Variants in ATP8B1 observed in about 807,000 individuals in gnomAD.
ATP8B1 encodes ATPase phospholipid transporting 8B1, also known as phospholipid-transporting ATPase IC.
ATP8B1 carries 80 observed loss-of-function variants against 149.9 expected under a neutral mutation model. That is an observed-to-expected ratio of 0.53 (90% CI 0.45 to 0.64). The LOEUF is 0.64. Among genes scored for constraint, ATP8B1 ranks in the 30% least tolerant of loss-of-function variants. ATP8B1 has a pLI of 0.00. For synonymous variants in ATP8B1, 536 were observed against 562.8 expected, an observed-to-expected ratio of 0.95 and a Z score of 0.67; for missense variants, 1,247 against 1,552.6, an observed-to-expected ratio of 0.80 and a Z score of 3.31.
At chr18:57,796,619 C>T (rs1033071863) in intron 1 of ATP8B1, among the ~76,000 whole-genome samples, 5 of 152,182 alleles carry the variant, frequency 3.3e-5, no homozygotes, top group Non-Finnish European at 5.9e-5. Flanking sequence ...ACAAAACCTA[C>T]CCATCTCCCC....
Position 57,658,505 on chromosome 18 carries a change from G to A in ATP8B1, c.2707+2669C>T, listed in dbSNP as rs745886223. Among the ~76,000 whole-genome samples the A allele has an allele frequency of 5.3e-5, 8 of 152,218 alleles. 1 individual carries two copies. Among genetic ancestry groups the A allele is most frequent in the Non-Finnish European group, 1.0e-4 (7 of 68,034 alleles). Reference sequence around the variant, plus strand: ...GATCCTTGCTAGGGGCAGAAACATGGTGGGTCATGATTCCTTCACTTCTTC... The same window carrying A: ...GATCCTTGCTAGGGGCAGAAACATGATGGGTCATGATTCCTTCACTTCTTC... On this transcript the variant is annotated intron_variant, in intron 22 of 27. Transcript: ENST00000648908.
intron 1 of ATP8B1, among the ~76,000 whole-genome samples, chr18:57,792,165 T>C (rs1280572805): frequency 6.6e-6 from 1 of 152,202 alleles, no homozygotes; most frequent in Non-Finnish European, 1.5e-5. Context: ...AACATGTCAG[T>C]CTATTTGCAA....
chr18:57,733,051 T>C (rs954613311), intron 1 of ATP8B1, among the ~76,000 whole-genome samples: 1 of 152,196 alleles, frequency 6.6e-6, no homozygotes, highest in Non-Finnish European at 1.5e-5. Context: ...CACTGCCCAC[T>C]CTGTATCTGG....
intron 13 of ATP8B1, among the ~76,000 whole-genome samples, chr18:57,686,005 T>C (rs886476942): frequency 2.0e-5 from 3 of 151,858 alleles, no homozygotes; most frequent in African/African-American, 7.3e-5. Context: ...CCCAGCACTT[T>C]GGGAGGCTGA....
intron 15 of ATP8B1, among the ~76,000 whole-genome samples, chr18:57,679,303 T>A (rs1009827491): frequency 2.0e-5 from 3 of 151,758 alleles, no homozygotes; most frequent in East Asian, 3.9e-4. Context: ...GATGATGGGA[T>A]CAATTGTACC....
rs1485588341 is a variant in ATP8B1, at chr18:57,650,475, T to C, written c.3423A>G (p.Arg1141=). 1.2e-6 allele frequency: 2 copies of C among 1,613,670 alleles called. No homozygotes were observed. The highest frequency in any genetic ancestry group is 3.3e-5 in the Admixed American group (2 of 59,976). ...TGATAGTTAACCAAATGTATGGCTG[T>C]CTCAGAGCGTTTGAAGCTGTGCCTG... is the stretch of plus-strand genomic sequence containing the variant. The part of the protein sequence containing the change: ...QFTGTASNAL[R]QPYIWLTIIL... Residue 1141 remains arginine (R), a synonymous_variant, in exon 27 of 28, where the codon AGA becomes AGG. Coordinates refer to ENST00000648908, the MANE Select transcript of ATP8B1 (RefSeq NM_001374385.1).
chr18:57,715,124 C>A (rs756786207), intron 2 of ATP8B1, among the ~76,000 whole-genome samples: 1 of 152,104 alleles, frequency 6.6e-6, no homozygotes, highest in Non-Finnish European at 1.5e-5. Context: ...CAAGACAACA[C>A]AGAAAAAGTT....
chr18:57,670,041 A>G (rs996152880), intron 17 of ATP8B1, among the ~76,000 whole-genome samples: 1 of 152,084 alleles, frequency 6.6e-6, no homozygotes, highest in African/African-American at 2.4e-5. Context: ...TTTCTTCTAA[A>G]TCTTCTATTA....
chr18:57,740,605 T>TCTGTCACCTAGG (rs1362761548), intron 1 of ATP8B1: 7 of 149,452 alleles, frequency 4.7e-5, no homozygotes, highest in African/African-American at 1.7e-4. Context: ...ATTCAAGTTC[T>TCTGTCACCTAGG]TGCTCTGTCA....
In ATP8B1 at chr18:57,784,822, G is replaced by A. The variant is rs1054248355; in HGVS notation, c.-26+18176C>T. Reference sequence around the variant, plus strand: ...GGTAAGATACTTCTTTGTTGTAGAGGCTGAGCTGCATATTGTAGGATATTT... The same window carrying A: ...GGTAAGATACTTCTTTGTTGTAGAGACTGAGCTGCATATTGTAGGATATTT... On this transcript the variant is annotated intron_variant, in intron 1 of 27. Transcript: ENST00000648908. This position sits in a 1 kb window ranked among gnomAD's most constrained non-coding sequence, Gnocchi z 4.4. Among the ~76,000 whole-genome samples, 1 of 152,124 alleles carries A rather than the reference G, an allele frequency of 6.6e-6. No homozygotes were observed. Among genetic ancestry groups the A allele is most frequent in the Non-Finnish European group, 1.5e-5 (1 of 68,016 alleles).
chr18:57,669,179 C>A, intron 18 of ATP8B1, 139 bp downstream of exon 18: 1 of 900,582 alleles, frequency 1.1e-6, no homozygotes, highest in African/African-American at 1.7e-5. Flanking sequence ...AAAGAAATAA[C>A]CTTCTTCCAT....
chr18:57,761,143 A>T (rs962247393), intron 1 of ATP8B1, among the ~76,000 whole-genome samples: 1 of 116,468 alleles, frequency 8.6e-6, no homozygotes, highest in Non-Finnish European at 2.0e-5. Context: ...ATAAAATAAA[A>T]TAAAATAAAG....
At chr18:57,668,301 G>T in intron 19 of ATP8B1, 128 bp downstream of exon 19, 1 of 1,323,508 alleles carries the variant, frequency 7.6e-7, no homozygotes, top group Non-Finnish European at 1.1e-6. Context: ...CTCAGAAAAA[G>T]CATCTTCCGT....
At chr18:57,760,951 C>T (rs901219742) in intron 1 of ATP8B1, among the ~76,000 whole-genome samples, 114 of 151,082 alleles carry the variant, frequency 7.5e-4, no homozygotes, top group African/African-American at 2.7e-3. Flanking sequence ...ATCGCACCAC[C>T]GCCCTCCAGC....
rs570281203 is a variant in ATP8B1 at position 57,686,563 on chromosome 18, G to A, written c.1430-1448C>T. Among the ~76,000 whole-genome samples the A allele has an allele frequency of 1.3e-4, 20 of 152,250 alleles. No homozygotes were observed. In the South Asian group the frequency reaches 2.9e-3, roughly 22 times the overall value. On this transcript the variant is annotated intron_variant, in intron 13 of 27. Coordinates refer to ENST00000648908, the MANE Select transcript of ATP8B1 (RefSeq NM_001374385.1). ...AGCCTCCTGAATAGCTGGGACTAGA[G>A]GCATCCACCACCACGCCCAGGTAAT...
At chr18:57,756,597 C>T (rs1029583417) in intron 1 of ATP8B1, among the ~76,000 whole-genome samples, 1 of 151,902 alleles carries the variant, frequency 6.6e-6, no homozygotes, top group Non-Finnish European at 1.5e-5. Flanking sequence ...TGTGCCCGGC[C>T]TCCACAACCT....
chr18:57,779,553 G>A (rs2080339651), intron 1 of ATP8B1, among the ~76,000 whole-genome samples: 1 of 152,130 alleles, frequency 6.6e-6, no homozygotes, highest in East Asian at 1.9e-4. Context: ...CACCGAACAT[G>A]GTATTTCTAC....
intron 2 of ATP8B1, among the ~76,000 whole-genome samples, chr18:57,712,017 T>C (rs1283905033): frequency 6.7e-6 from 1 of 150,204 alleles, no homozygotes; most frequent in Admixed American, 6.6e-5. Flanking sequence ...TTTAAAGCAA[T>C]GTTTGTGATT....
chr18:57,740,255 C>T (rs1488120740), intron 1 of ATP8B1, among the ~76,000 whole-genome samples: 1 of 151,600 alleles, frequency 6.6e-6, no homozygotes, highest in African/African-American at 2.4e-5. Context: ...CACGCCTGGT[C>T]CTTCATCATT....
Sources: gnomAD v4.1 joint callset for allele counts (sites outside exome capture counted in the v4.1 genomes callset) on GRCh38, gnomAD v4.1.1 for gene constraint, Gnocchi (gnomAD v3.1) non-coding constraint, MANE v1.5 for transcripts, NCBI Gene and HGNC (gene_info 2026-07-23, HGNC 2026-07-21) for gene names.